Variants in STN1 observed in about 807,000 individuals in gnomAD.
STN1 encodes CST complex subunit STN1.
STN1 carries 29 observed loss-of-function variants against 45.5 expected under a neutral mutation model. The observed-to-expected ratio is 0.64, with a 90% CI of 0.47 to 0.87. STN1 has a LOEUF of 0.87. Ranked by LOEUF, STN1 falls within the 40% of genes least tolerant of loss-of-function variation. The pLI is 0.00. For synonymous variants in STN1, 148 were observed against 159.0 expected (o/e 0.93, Z 0.52); for missense variants, 376 against 441.4 (o/e 0.85, Z 1.33).
Position 103,892,252 on chromosome 10 carries a change from C to T in STN1, c.754G>A (p.Val252Met), listed in dbSNP as rs1335241545. Reference sequence around the variant, plus strand: ...GAAGTGGTGTCCTTCTTAAAATTCACCTGTAAAGAGAGGAAAAAGAAAAAA... The same window carrying T: ...GAAGTGGTGTCCTTCTTAAAATTCATCTGTAAAGAGAGGAAAAAGAAAAAA... ...PVIHSASSDQ[V>M]NFKKDTTSKA... The change falls in exon 8 of 10, where the codon GTG becomes ATG. Residue 252 changes from valine to methionine, a missense_variant and splice_region_variant. Val to Met is a conservative substitution (Grantham distance 21). Coordinates refer to ENST00000224950, the MANE Select transcript of STN1 (RefSeq NM_024928.5). 10 of 1,590,752 alleles carry T rather than the reference C, an allele frequency of 6.3e-6. No individual in the cohort carries two copies. Among genetic ancestry groups the T allele is most frequent in the Non-Finnish European group, 8.5e-6 (10 of 1,174,048 alleles).
intron 6 of STN1, chr10:103,898,262 C>T (rs74425477): frequency 2.5e-4 from 38 of 152,928 alleles, no homozygotes; most frequent in Non-Finnish European, 3.8e-4. Context: ...TCCTATCCTC[C>T]GGTCCCCACC....
chr10:103,896,685 G>C (rs913784399), intron 7 of STN1, among the ~76,000 whole-genome samples: 1 of 151,710 alleles, frequency 6.6e-6, no homozygotes, highest in Admixed American at 6.6e-5. Flanking sequence ...GGGTCACCCA[G>C]AGTGAGACCC....
At chr10:103,916,258 T>G (rs1285500424) in intron 2 of STN1, among the ~76,000 whole-genome samples, 4 of 152,196 alleles carry the variant, frequency 2.6e-5, no homozygotes, top group Non-Finnish European at 5.9e-5. Flanking sequence ...GTTAAGCCCC[T>G]GTCATGTCCT....
At chr10:103,896,102 G>A (rs897249522) in intron 7 of STN1, among the ~76,000 whole-genome samples, 1 of 152,188 alleles carries the variant, frequency 6.6e-6, no homozygotes, top group Non-Finnish European at 1.5e-5. Flanking sequence ...GGGAGTGAGA[G>A]GGAGGATGGG....
chr10:103,911,092 A>ATTT (rs1843287820), intron 2 of STN1, among the ~76,000 whole-genome samples: 3 of 145,834 alleles, frequency 2.1e-5, no homozygotes, highest in Non-Finnish European at 1.5e-5. Flanking sequence ...ATTTTTTTTA[A>ATTT]AAAAAAACAG....
rs937285760 is a variant in STN1, at chr10:103,878,239, C to G, written c.*4445G>C. On this transcript the variant is annotated 3_prime_UTR_variant, in exon 10 of 10. Transcript: ENST00000224950. ...CATGTGGGGTTCACACCTCCTGAAA[C>G]ATGTGCACACTAAGAGAACTGGAGA... 2 of 152,270 alleles carry G rather than the reference C, an allele frequency of 1.3e-5. No homozygotes were observed. The highest frequency in any genetic ancestry group is 6.5e-5 in the Admixed American group (1 of 15,290). The allele number at this position is 152,270 out of a possible 1,614,324, so 9.4% of individuals were successfully genotyped here.
In STN1 at chr10:103,879,876, T is replaced by G. The variant is rs1020341891; in HGVS notation, c.*2808A>C. 6.6e-6 allele frequency: 1 copy of G among 152,330 alleles called. No homozygotes were observed. The highest frequency in any genetic ancestry group is 2.4e-5 in the African/African-American group (1 of 41,458). The allele number at this position is 152,330 out of a possible 1,614,324, so 9.4% of individuals were successfully genotyped here. A position where few individuals can be genotyped will look rare whatever the true frequency, so the allele number is the denominator to read the frequency against. On this transcript the variant is annotated 3_prime_UTR_variant, in exon 10 of 10. Coordinates refer to ENST00000224950, the MANE Select transcript of STN1 (RefSeq NM_024928.5). The stretch of plus-strand genomic sequence containing the variant: ...GATAGAAAGAAAGAAGCCAATGGAT[T>G]TGGTTTGAGCAACTGGATGGAGCTA...
Position 103,914,786 on chromosome 10 carries a change from T to G in STN1, c.133+2676A>C, listed in dbSNP as rs557436125. On this transcript the variant is annotated intron_variant, in intron 2 of 9. Transcript: ENST00000224950. ...ACTCTAAATTCAAATTTTGAGGAGC[T>G]GACGTTTTGCAATCATTTTGCAATG... Among the ~76,000 whole-genome samples the G allele has an allele frequency of 2.6e-5, 4 of 152,350 alleles. No individual in the cohort carries two copies. In the South Asian group the frequency reaches 8.3e-4, roughly 32 times the overall value.
At position 103,914,935 on chromosome 10, in the gene STN1, C is replaced by T. The variant is rs576904095; in HGVS notation, c.133+2527G>A. 1.8e-4 allele frequency among the ~76,000 whole-genome samples: 28 copies of T among 152,332 alleles called. No homozygotes were observed. The South Asian group carries it at 4.6e-3, about 25-fold the overall frequency. On this transcript the variant is annotated intron_variant, in intron 2 of 9. Coordinates refer to ENST00000224950, the MANE Select transcript of STN1 (RefSeq NM_024928.5). Reference sequence around the variant, plus strand: ...TTTGTGAGAGTCCTCAGGCCAACTGCACTTCTGACCAACTGGTTATAAATT... The same window carrying T: ...TTTGTGAGAGTCCTCAGGCCAACTGTACTTCTGACCAACTGGTTATAAATT...
At chr10:103,887,653 G>C (rs1389031325) in intron 9 of STN1, among the ~76,000 whole-genome samples, 1 of 152,174 alleles carries the variant, frequency 6.6e-6, no homozygotes, top group Non-Finnish European at 1.5e-5. Flanking sequence ...GAGTGTAGTA[G>C]TGCCAGGTGA....
At chr10:103,917,336 G>GC (rs1843340169) in intron 2 of STN1, 126 bp downstream of exon 2, 1 of 746,952 alleles carries the variant, frequency 1.3e-6, no homozygotes. Context: ...GAAGGTCCAG[G>GC]CTAGGTCCCT....
chr10:103,892,151 A>C lies in STN1; in HGVS notation c.855T>G (p.Asp285Glu). ...QEKGLVFQKD[D>E]GFDNLYYVTR... ...TTACATAGTATAGGTTATCAAAACC[A>C]TCATCTTTCTGGAAAACAAGTCCTT... Residue 285 changes from aspartate (D) to glutamate (E), a missense_variant, in exon 8 of 10, where the codon GAT becomes GAG. Physicochemically the swap from Asp to Glu is conservative, Grantham distance 45. Coordinates refer to ENST00000224950, the MANE Select transcript of STN1 (RefSeq NM_024928.5). 2 of 1,610,894 alleles carry C rather than the reference A, an allele frequency of 1.2e-6. No individual in the cohort carries two copies. The highest frequency in any genetic ancestry group is 1.7e-6 in the Non-Finnish European group (2 of 1,179,184).
At chr10:103,892,534 TC>T (rs1018940697) in intron 7 of STN1, among the ~76,000 whole-genome samples, 3 of 151,954 alleles carry the variant, frequency 2.0e-5, no homozygotes, top group Non-Finnish European at 4.4e-5. Context: ...AAAGCTACCC[TC>T]ACTGTTGGAC....
chr10:103,881,105 A>G lies in STN1; in HGVS notation c.*1579T>C, dbSNP rs570482403. ...CTTTCATCATTTTTTTCATAGCTGC[A>G]TAGTATTTCATTGTGCCCAAGAACC... On this transcript the variant is annotated 3_prime_UTR_variant, in exon 10 of 10. Transcript: ENST00000224950. 6.6e-6 allele frequency among the ~76,000 whole-genome samples: 1 copy of G among 152,256 alleles called. No individual in the cohort carries two copies. The highest frequency in any genetic ancestry group is 1.9e-4 in the East Asian group (1 of 5,184).
At position 103,881,640 on chromosome 10, in the gene STN1, A is replaced by C. The variant is rs1455969418; in HGVS notation, c.*1044T>G. On this transcript the variant is annotated 3_prime_UTR_variant, in exon 10 of 10. Transcript: ENST00000224950. ...TAAAGGATCTCCAGCTGAGCCACGA[A>C]GAGCTTATCACATCAAGAGCAAATG... 6.6e-6 allele frequency among the ~76,000 whole-genome samples: 1 copy of C among 152,232 alleles called. No homozygotes were observed. Among genetic ancestry groups the C allele is most frequent in the Non-Finnish European group, 1.5e-5 (1 of 68,038 alleles).
chr10:103,883,678 C>T (rs34887477), intron 9 of STN1, among the ~76,000 whole-genome samples: 67,366 of 151,696 alleles, frequency 0.44, 15,654 homozygotes, highest in Non-Finnish European at 0.5. Context: ...ATAATCCACA[C>T]CCTATGGCTT....
At chr10:103,892,409 A>G (rs1843145550) in intron 7 of STN1, among the ~76,000 whole-genome samples, 157 bp from the exon 8 acceptor site, 1 of 152,082 alleles carries the variant, frequency 6.6e-6, no homozygotes, top group Admixed American at 6.5e-5. Context: ...GCAGGATGGT[A>G]TTTAAGGAGG....
intron 6 of STN1, 39 bp downstream of exon 6, chr10:103,898,838 C>A (rs1331608165): frequency 2.5e-6 from 4 of 1,609,944 alleles, no homozygotes; most frequent in Non-Finnish European, 2.5e-6. Flanking sequence ...CAGTTTTCTG[C>A]CGTGGTCACG....
At chr10:103,887,640 T>C (rs960590824) in intron 9 of STN1, among the ~76,000 whole-genome samples, 1 of 152,208 alleles carries the variant, frequency 6.6e-6, no homozygotes, top group Non-Finnish European at 1.5e-5. Context: ...ATTCAGCTCC[T>C]GGGAGTGTAG....
Sources: gnomAD v4.1 joint callset for allele counts (sites outside exome capture counted in the v4.1 genomes callset) on GRCh38, gnomAD v4.1.1 for gene constraint, MANE v1.5 for transcripts, NCBI Gene and HGNC (gene_info 2026-07-23, HGNC 2026-07-21) for gene names.